Variants in IQCH observed in about 807,000 individuals in gnomAD.
The protein encoded by IQCH is IQ domain-containing protein H.
A neutral mutation model predicts 117.0 loss-of-function variants in IQCH; 98 were observed. The ratio of observed to expected loss-of-function variants is 0.84; its 90% CI spans 0.71 to 0.99. IQCH has a LOEUF of 0.99. Among genes scored for constraint, IQCH ranks in the 50% least tolerant of loss-of-function variants. The pLI, the probability that IQCH is intolerant of heterozygous loss-of-function variation, is 0.00. For missense variants in IQCH, 1,102 were observed against 1,243.8 expected (o/e 0.89, Z 1.72); for synonymous variants, 412 against 448.2 (o/e 0.92, Z 1.02).
rs1411282545 is a variant in IQCH, at chr15:67,366,926, G to A, written c.754-5185G>A. Among the ~76,000 whole-genome samples the A allele has an allele frequency of 6.6e-6, 1 of 152,098 alleles. No homozygotes were observed. Among genetic ancestry groups the A allele is most frequent in the Non-Finnish European group, 1.5e-5 (1 of 68,008 alleles). On this transcript the variant is annotated intron_variant, in intron 8 of 20. Transcript: ENST00000335894. The surrounding 1 kb of genome is among the most constrained non-coding windows in gnomAD (Gnocchi z 4.4). ...AAAAATCCCCCAGGTTTTTTTCATG[G>A]TGCATAAAGTGATGCCATTGGAGAT...
chr15:67,306,826 T>C, intron 4 of IQCH: 1 of 1,530,558 alleles, frequency 6.5e-7, no homozygotes, highest in East Asian at 2.5e-5. Context: ...TTTTTTCTAG[T>C]AGGTCCTCAA....
chr15:67,488,425 A>AC (rs2083554165), intron 18 of IQCH, among the ~76,000 whole-genome samples: 1 of 152,244 alleles, frequency 6.6e-6, no homozygotes, highest in Admixed American at 6.5e-5. Flanking sequence ...TGAAATTTGC[A>AC]CATGGAGGCA....
At chr15:67,497,634 CA>C (rs1312353313) in intron 20 of IQCH, among the ~76,000 whole-genome samples, 1 of 152,048 alleles carries the variant, frequency 6.6e-6, no homozygotes, top group Non-Finnish European at 1.5e-5. Context: ...GCTGGGATTA[CA>C]AGCACGCACC....
chr15:67,321,233 G>A (rs915703627), intron 4 of IQCH, among the ~76,000 whole-genome samples: 20 of 152,050 alleles, frequency 1.3e-4, no homozygotes, highest in African/African-American at 4.8e-4. Flanking sequence ...AGATGCCCAC[G>A]CTTCAGATAG....
Position 67,447,833 on chromosome 15 carries a change from T to C in IQCH, c.2506-17294T>C, listed in dbSNP as rs1287666260. Among the ~76,000 whole-genome samples, 3 of 152,200 alleles carry C rather than the reference T, an allele frequency of 2.0e-5. No individual in the cohort carries two copies. The highest frequency in any genetic ancestry group is 4.4e-5 in the Non-Finnish European group (3 of 68,024). ...AAGCAACAGCTTGCGTTTTAGAAAG[T>C]GGCACTGTCCTCAGAGCTGAGTCTT... On this transcript the variant is annotated intron_variant, in intron 16 of 20. Coordinates refer to ENST00000335894, the MANE Select transcript of IQCH (RefSeq NM_001031715.3). The surrounding 1 kb of genome is among the most constrained non-coding windows in gnomAD (Gnocchi z 5.3).
In IQCH at chr15:67,384,923, G is replaced by A. The variant is rs1317970653; in HGVS notation, c.1373-13G>A. 3.2e-6 allele frequency: 5 copies of A among 1,568,174 alleles called. No homozygotes were observed. Among genetic ancestry groups the A allele is most frequent in the Non-Finnish European group, 4.4e-6 (5 of 1,139,230 alleles). ...TGCTCTTTCTGTGTTTTGACACCTTGTTTGCCTTTTAGGGTATTCCCAGCC... is the reference window on the plus strand; with the variant it reads ...TGCTCTTTCTGTGTTTTGACACCTTATTTGCCTTTTAGGGTATTCCCAGCC... On this transcript the variant is annotated splice_polypyrimidine_tract_variant and intron_variant, in intron 10 of 20. Coordinates refer to ENST00000335894, the MANE Select transcript of IQCH (RefSeq NM_001031715.3). This position sits in a 1 kb window ranked among gnomAD's most constrained non-coding sequence, Gnocchi z 4.3.
Position 67,479,691 on chromosome 15 carries a change from C to A in IQCH, c.2799+3873C>A, listed in dbSNP as rs2083295483. Among the ~76,000 whole-genome samples, 1 of 152,298 alleles carries A rather than the reference C, an allele frequency of 6.6e-6. No homozygotes were observed. Among genetic ancestry groups the A allele is most frequent in the South Asian group, 2.1e-4 (1 of 4,824 alleles). On this transcript the variant is annotated intron_variant, in intron 18 of 20. Coordinates refer to ENST00000335894, the MANE Select transcript of IQCH (RefSeq NM_001031715.3). This position sits in a 1 kb window ranked among gnomAD's most constrained non-coding sequence, Gnocchi z 4.6. Reference sequence around the variant, plus strand: ...ATCATTTACCTAAATTCCAGAGTAACCTGCTCCCACTCTTGGTTGAATTTA... The same window carrying A: ...ATCATTTACCTAAATTCCAGAGTAAACTGCTCCCACTCTTGGTTGAATTTA...
chr15:67,345,140 T>A (rs967219061), intron 6 of IQCH, among the ~76,000 whole-genome samples: 7 of 152,102 alleles, frequency 4.6e-5, no homozygotes, highest in African/African-American at 1.4e-4. Flanking sequence ...CAGGCACCCA[T>A]CACCACGCCT....
Position 67,365,085 on chromosome 15 carries a change from G to A in IQCH, c.753+5200G>A, listed in dbSNP as rs1970284872. Among the ~76,000 whole-genome samples the A allele has an allele frequency of 6.6e-6, 1 of 152,174 alleles. No homozygotes were observed. Among genetic ancestry groups the A allele is most frequent in the Non-Finnish European group, 1.5e-5 (1 of 68,028 alleles). ...CAGTCCTGAGTAGCTGGGACTACAGGCATATGCCACCACGCCCAGCTAATT... is the reference window on the plus strand; with the variant it reads ...CAGTCCTGAGTAGCTGGGACTACAGACATATGCCACCACGCCCAGCTAATT... On this transcript the variant is annotated intron_variant, in intron 8 of 20. Coordinates refer to ENST00000335894, the MANE Select transcript of IQCH (RefSeq NM_001031715.3). The surrounding 1 kb of genome is among the most constrained non-coding windows in gnomAD (Gnocchi z 4.4).
intron 19 of IQCH, among the ~76,000 whole-genome samples, chr15:67,492,596 G>A (rs556343320): frequency 6.6e-6 from 1 of 152,192 alleles, no homozygotes; most frequent in African/African-American, 2.4e-5. Context: ...CACTCAGAGA[G>A]GAGGCCACTT....
intron 12 of IQCH, among the ~76,000 whole-genome samples, chr15:67,394,905 GCTTTTTT>G (rs1971409635): frequency 6.6e-6 from 1 of 152,100 alleles, no homozygotes; most frequent in East Asian, 1.9e-4. Flanking sequence ...ATGTTATGAG[GCTTTTTT>G]CTTCATTTTT....
In IQCH at chr15:67,430,905, A is replaced by C. The variant is rs1291541289; in HGVS notation, c.2505+9328A>C. 6.6e-6 allele frequency among the ~76,000 whole-genome samples: 1 copy of C among 152,252 alleles called. No individual in the cohort carries two copies. ...TAAGTGACAACTACGTAGAACAATA[A>C]AAGAGACATCAAAAAGGTAATATCA... On this transcript the variant is annotated intron_variant, in intron 16 of 20. Coordinates refer to ENST00000335894, the MANE Select transcript of IQCH (RefSeq NM_001031715.3). This position sits in a 1 kb window ranked among gnomAD's most constrained non-coding sequence, Gnocchi z 5.1.
At chr15:67,423,620 A>G (rs2081806993) in intron 16 of IQCH, among the ~76,000 whole-genome samples, 2 of 150,590 alleles carry the variant, frequency 1.3e-5, no homozygotes, top group Non-Finnish European at 3.0e-5. Context: ...AAAGAAAAAA[A>G]GGCTGGGCAC....
Position 67,458,398 on chromosome 15 carries a change from C to G in IQCH, c.2506-6729C>G, listed in dbSNP as rs1461084934. ...TTGAAAAATATCTATAATACAACCA[C>G]TTCTCCCACCTTCCAGTTACCAGTG... is the stretch of plus-strand genomic sequence containing the variant. On this transcript the variant is annotated intron_variant, in intron 16 of 20. Coordinates refer to ENST00000335894, the MANE Select transcript of IQCH (RefSeq NM_001031715.3). The surrounding 1 kb of genome is among the most constrained non-coding windows in gnomAD (Gnocchi z 4.1). Among the ~76,000 whole-genome samples the G allele has an allele frequency of 6.6e-6, 1 of 152,236 alleles. No homozygotes were observed. The highest frequency in any genetic ancestry group is 6.5e-5 in the Admixed American group (1 of 15,280).
chr15:67,473,799 G>C lies in IQCH; in HGVS notation c.2677-1897G>C, dbSNP rs569750655. 9.9e-5 allele frequency among the ~76,000 whole-genome samples: 15 copies of C among 152,204 alleles called. No individual in the cohort carries two copies. The highest frequency in any genetic ancestry group is 2.0e-4 in the Admixed American group (3 of 15,298). On this transcript the variant is annotated intron_variant, in intron 17 of 20. Coordinates refer to ENST00000335894, the MANE Select transcript of IQCH (RefSeq NM_001031715.3). The surrounding 1 kb of genome is among the most constrained non-coding windows in gnomAD (Gnocchi z 4.9). ...AGAGTACAGTAGTGAGGCATATGAG[G>C]ATCAAATCAATTTTCTGTTGTTAGA...
chr15:67,280,943 T>G (rs1486356354), intron 4 of IQCH, among the ~76,000 whole-genome samples: 1 of 151,886 alleles, frequency 6.6e-6, no homozygotes, highest in Admixed American at 6.6e-5. Flanking sequence ...GCCCCTCAGG[T>G]TCAAGCAATT....
At chr15:67,335,621 G>A (rs1395459239) in intron 4 of IQCH, among the ~76,000 whole-genome samples, 4 of 152,124 alleles carry the variant, frequency 2.6e-5, no homozygotes, top group Non-Finnish European at 5.9e-5. Context: ...GTGGGGAGAG[G>A]AGAGCTGAGG....
At position 67,261,380 on chromosome 15, in the gene IQCH, G is replaced by A. The variant is rs746582780; in HGVS notation, c.160G>A (p.Glu54Lys). ...TCTTGAAACAGCAATCAAAAGGACT[G>A]AAGTGGGGTTAAGAGTAAGTAGAGC... Reference protein sequence around the residue: ...QSLETAIKRTEVGLRIHIEKY... With the variant: ...QSLETAIKRTKVGLRIHIEKY... The change falls in exon 2 of 21, where the codon GAA becomes AAA. Residue 54 changes from glutamate to lysine, a missense_variant. This residue lies in a region of IQCH where 452 missense variants were observed against 449.6 expected (regional missense o/e 1.01). Coordinates refer to ENST00000335894, the MANE Select transcript of IQCH (RefSeq NM_001031715.3). The A allele has an allele frequency of 5.7e-6, 9 of 1,589,842 alleles. No individual in the cohort carries two copies. The highest frequency in any genetic ancestry group is 7.7e-6 in the Non-Finnish European group (9 of 1,173,402).
At chr15:67,270,414 A>T (rs1018238845) in intron 3 of IQCH, among the ~76,000 whole-genome samples, 1 of 152,170 alleles carries the variant, frequency 6.6e-6, no homozygotes, top group Non-Finnish European at 1.5e-5. Context: ...AGTTTGCTGA[A>T]GGTTTTTTAT....
Sources: allele counts gnomAD v4.1 joint callset (sites outside exome capture counted in the v4.1 genomes callset), GRCh38; gene constraint gnomAD v4.1.1; regional missense constraint gnomAD v4.1.1; non-coding constraint Gnocchi (gnomAD v3.1); transcripts MANE v1.5; gene names NCBI Gene and HGNC (gene_info 2026-07-23, HGNC 2026-07-21).